Variants in SGCD observed in about 807,000 individuals in gnomAD.
SGCD encodes the protein sarcoglycan delta.
Under a neutral mutation model 36.6 loss-of-function variants are expected in SGCD, and 18 were observed. That is an observed-to-expected ratio of 0.49 (90% CI 0.34 to 0.73). SGCD has a LOEUF of 0.73. Among genes scored for constraint, SGCD ranks in the 30% least tolerant of loss-of-function variants. The pLI is 0.01. For synonymous variants in SGCD, 133 were observed against 130.6 expected, an observed-to-expected ratio of 1.02 and a Z score of -0.12; for missense variants, 387 against 346.7, an observed-to-expected ratio of 1.12 and a Z score of -0.92.
At chr5:156,731,662 C>CT (rs1449927457) in intron 7 of SGCD, among the ~76,000 whole-genome samples, 1 of 150,066 alleles carries the variant, frequency 6.7e-6, no homozygotes, top group African/African-American at 2.4e-5. Context: ...TATTCGGGCT[C>CT]TTTTTTGGTT....
intron 3 of SGCD, among the ~76,000 whole-genome samples, chr5:156,348,990 A>G (rs1035123519): frequency 3.3e-5 from 5 of 152,134 alleles, no homozygotes; most frequent in Non-Finnish European, 5.9e-5. Flanking sequence ...ATACAAAAAC[A>G]TAAATTGGAG....
At chr5:156,150,497 G>T (rs909835950) in intron 3 of SGCD, among the ~76,000 whole-genome samples, 1 of 151,660 alleles carries the variant, frequency 6.6e-6, no homozygotes, top group East Asian at 1.9e-4. Flanking sequence ...GTTCCTTAAT[G>T]GTTGGAATGA....
At chr5:156,689,045 T>C (rs1472504726) in intron 7 of SGCD, among the ~76,000 whole-genome samples, 2 of 152,202 alleles carry the variant, frequency 1.3e-5, no homozygotes, top group Non-Finnish European at 2.9e-5. Flanking sequence ...GATTGGATCC[T>C]GCATTTTAAA....
At chr5:156,190,976 A>G (rs770089744) in intron 3 of SGCD, among the ~76,000 whole-genome samples, 10 of 152,172 alleles carry the variant, frequency 6.6e-5, no homozygotes, top group Non-Finnish European at 1.3e-4. Context: ...GTACAAAATA[A>G]AAGTTCATTG....
At chr5:156,082,673 A>G (rs1393108829) in intron 1 of SGCD, among the ~76,000 whole-genome samples, 1 of 152,250 alleles carries the variant, frequency 6.6e-6, no homozygotes, top group African/African-American at 2.4e-5. Context: ...TACAATTACA[A>G]GTACAATGAA....
intron 6 of SGCD, among the ~76,000 whole-genome samples, chr5:156,636,220 CG>C (rs1385192064): frequency 6.6e-6 from 1 of 152,092 alleles, no homozygotes; most frequent in African/African-American, 2.4e-5. Flanking sequence ...CAGGCTTACT[CG>C]TTTACTTACT....
At chr5:156,017,051 T>C (rs903908728) in intron 1 of SGCD, among the ~76,000 whole-genome samples, 4 of 152,184 alleles carry the variant, frequency 2.6e-5, no homozygotes, top group Non-Finnish European at 5.9e-5. Flanking sequence ...TTCAATAGCC[T>C]CACCAATAAA....
chr5:156,040,970 A>G (rs926240443), intron 1 of SGCD, among the ~76,000 whole-genome samples: 9 of 152,220 alleles, frequency 5.9e-5, no homozygotes, highest in Admixed American at 1.3e-4. Flanking sequence ...TCAATTCAAA[A>G]AAAGTAAACT....
intron 3 of SGCD, among the ~76,000 whole-genome samples, chr5:156,279,001 G>A (rs964898863): frequency 1.3e-5 from 2 of 152,178 alleles, no homozygotes; most frequent in Non-Finnish European, 1.5e-5. Flanking sequence ...CTGGAGAGGT[G>A]CTAATGGCAT....
intron 3 of SGCD, among the ~76,000 whole-genome samples, chr5:156,354,447 T>C (rs908656839): frequency 2.0e-5 from 3 of 152,174 alleles, no homozygotes; most frequent in African/African-American, 7.2e-5. Flanking sequence ...TTATAGACTT[T>C]GGAGAGGTCA....
chr5:156,059,569 T>C (rs1760151619), intron 1 of SGCD, among the ~76,000 whole-genome samples: 1 of 146,220 alleles, frequency 6.8e-6, no homozygotes, highest in Admixed American at 6.8e-5. Context: ...CAAGGTAAGA[T>C]AGTGTGGTGT....
intron 3 of SGCD, among the ~76,000 whole-genome samples, chr5:156,282,046 C>T (rs1248939469): frequency 6.6e-6 from 1 of 152,078 alleles, no homozygotes; most frequent in East Asian, 1.9e-4. Context: ...AAAAAAACTT[C>T]TGTTCTCCAG....
In SGCD at chr5:156,564,203, A is replaced by G. The variant is rs939306281; in HGVS notation, c.295-25028A>G. On this transcript the variant is annotated intron_variant, in intron 4 of 8. Coordinates refer to ENST00000337851, the MANE Select transcript of SGCD (RefSeq NM_000337.6). ...AGTGGCTCATGCCTGTAATCCCAGC[A>G]CTTTGGGAGGCCGAGGCAGGCTGAT... 1.4e-4 allele frequency among the ~76,000 whole-genome samples: 22 copies of G among 152,338 alleles called. No homozygotes were observed. In the South Asian group the frequency reaches 2.5e-3, roughly 17 times the overall value.
At chr5:156,699,333 C>G (rs1330145900) in intron 7 of SGCD, among the ~76,000 whole-genome samples, 1 of 152,124 alleles carries the variant, frequency 6.6e-6, no homozygotes, top group African/African-American at 2.4e-5. Context: ...CTTGCTTTGG[C>G]AAGCCTGTGG....
chr5:156,296,824 G>T (rs948335801), intron 3 of SGCD, among the ~76,000 whole-genome samples: 1 of 151,848 alleles, frequency 6.6e-6, no homozygotes, highest in Non-Finnish European at 1.5e-5. Context: ...TCTTCTTTCT[G>T]GTTCTGTCCA....
At chr5:156,613,796 G>C (rs1021167954) in intron 6 of SGCD, among the ~76,000 whole-genome samples, 1 of 152,176 alleles carries the variant, frequency 6.6e-6, no homozygotes, top group Non-Finnish European at 1.5e-5. Flanking sequence ...TTTCAAATGA[G>C]TTCAGGCTCA....
chr5:156,138,994 T>C (rs1762518140), intron 3 of SGCD, among the ~76,000 whole-genome samples: 1 of 152,256 alleles, frequency 6.6e-6, no homozygotes, highest in South Asian at 2.1e-4. Context: ...GAAAAGTCTA[T>C]TCAAGTCTTT....
At chr5:155,840,022 G>A in the SGCD span, among the ~76,000 whole-genome samples, 1 of 151,080 alleles carries the variant, frequency 6.6e-6, no homozygotes, top group African/African-American at 2.4e-5. Context: ...CTGATTGAAT[G>A]TGCCTGAATT....
intron 3 of SGCD, among the ~76,000 whole-genome samples, chr5:156,309,974 T>A (rs1189934239): frequency 6.6e-6 from 1 of 152,208 alleles, no homozygotes; most frequent in Non-Finnish European, 1.5e-5. Flanking sequence ...AATCTAATAA[T>A]GAGGAAAATC....
Sources: allele counts gnomAD v4.1 joint callset (sites outside exome capture counted in the v4.1 genomes callset), GRCh38; gene constraint gnomAD v4.1.1; transcripts MANE v1.5; gene names NCBI Gene and HGNC (gene_info 2026-07-23, HGNC 2026-07-21).